Variants in KCNU1 observed in about 807,000 individuals in gnomAD.
KCNU1 encodes potassium channel subfamily U member 1.
KCNU1 carries 93 observed loss-of-function variants against 126.8 expected under a neutral mutation model. The ratio of observed to expected loss-of-function variants is 0.73; its 90% CI spans 0.62 to 0.87. The LOEUF is 0.87. Among genes scored for constraint, KCNU1 ranks in the 40% least tolerant of loss-of-function variants. The pLI, the probability that KCNU1 is intolerant of heterozygous loss-of-function variation, is 0.00. For synonymous variants in KCNU1, 523 were observed against 494.2 expected, an observed-to-expected ratio of 1.06 and a Z score of -0.77; for missense variants, 1,330 against 1,367.1, an observed-to-expected ratio of 0.97 and a Z score of 0.43.
At chr8:36,922,355 G>A in intron 23 of KCNU1, 135 bp from the exon 24 acceptor site, 1 of 838,914 alleles carries the variant, frequency 1.2e-6, no homozygotes, top group Non-Finnish European at 1.8e-6. Flanking sequence ...CTGAAAAAGG[G>A]GTTGATCCCA....
chr8:36,886,810 C>T (rs1035806226), intron 19 of KCNU1, among the ~76,000 whole-genome samples: 3 of 152,108 alleles, frequency 2.0e-5, no homozygotes, highest in Non-Finnish European at 2.9e-5. Flanking sequence ...CAATGTCCCC[C>T]TTCTGAATCT....
Position 36,814,233 on chromosome 8 carries a change from C to G in KCNU1, c.759C>G (p.Leu253=), listed in dbSNP as rs539165660. Residue 253 remains leucine (L), a synonymous_variant, in exon 8 of 27, where the codon CTC becomes CTG. Coordinates refer to ENST00000399881, the MANE Select transcript of KCNU1 (RefSeq NM_001031836.3). The part of the protein sequence containing the change: ...HLVENSGDPW[L]KGRNSQNISY... ...TGGAAAATTCTGGTGATCCCTGGCT[C>G]AAAGGTAGAAATTCACAGAATATAT... 6 of 1,613,284 alleles carry G rather than the reference C, an allele frequency of 3.7e-6. No homozygotes were observed. Among genetic ancestry groups the G allele is most frequent in the Non-Finnish European group, 5.1e-6 (6 of 1,179,500 alleles).
At chr8:36,851,410 T>TCTCC (rs1805344141) in intron 18 of KCNU1, among the ~76,000 whole-genome samples, 2 of 151,988 alleles carry the variant, frequency 1.3e-5, no homozygotes, top group African/African-American at 4.8e-5. Context: ...TCTCTCTCTC[T>TCTCC]CTGTCTCTCC....
At chr8:36,834,092 G>A (rs1804659696) in intron 11 of KCNU1, among the ~76,000 whole-genome samples, 1 of 152,034 alleles carries the variant, frequency 6.6e-6, no homozygotes, top group South Asian at 2.1e-4. Context: ...AAACATAAAG[G>A]AAAATAGTAG....
chr8:36,858,176 CAAAAAAAAAAAAAA>C (rs67265944), intron 18 of KCNU1, among the ~76,000 whole-genome samples: 1 of 73,036 alleles, frequency 1.4e-5, no homozygotes, highest in African/African-American at 5.8e-5. Flanking sequence ...TCAAGGATGG[CAAAAAAAAAAAAAA>C]AAAAAAAAAC....
intron 18 of KCNU1, among the ~76,000 whole-genome samples, chr8:36,861,558 C>T (rs1805730738): frequency 6.6e-6 from 1 of 152,064 alleles, no homozygotes; most frequent in Non-Finnish European, 1.5e-5. Flanking sequence ...GCTCTGTTGC[C>T]CTGTTGCTTT....
chr8:36,818,273 A>G (rs1391650070), intron 10 of KCNU1, among the ~76,000 whole-genome samples: 1 of 152,150 alleles, frequency 6.6e-6, no homozygotes, highest in Non-Finnish European at 1.5e-5. Flanking sequence ...GATTTCTTAT[A>G]TTTTAATTTT....
chr8:36,834,632 G>A (rs986225567), intron 11 of KCNU1, among the ~76,000 whole-genome samples, 154 bp from the exon 12 acceptor site: 1 of 152,172 alleles, frequency 6.6e-6, no homozygotes, highest in African/African-American at 2.4e-5. Flanking sequence ...CAACAATCCT[G>A]ATGTAAAGAC....
At chr8:36,835,094 T>C (rs1200060183) in intron 12 of KCNU1, among the ~76,000 whole-genome samples, 1 of 152,146 alleles carries the variant, frequency 6.6e-6, no homozygotes, top group East Asian at 1.9e-4. Context: ...CTCCATATAA[T>C]TCCCTGAAGT....
At chr8:36,904,470 C>T (rs1334803611) in intron 19 of KCNU1, among the ~76,000 whole-genome samples, 3 of 152,144 alleles carry the variant, frequency 2.0e-5, no homozygotes, top group African/African-American at 4.8e-5. Context: ...CTTCAACAGT[C>T]TATTCAAATG....
intron 9 of KCNU1, among the ~76,000 whole-genome samples, chr8:36,816,740 AT>A (rs1166279294): frequency 9.2e-5 from 14 of 152,062 alleles, no homozygotes; most frequent in Non-Finnish European, 1.6e-4. Context: ...ACGTAAGAAA[AT>A]TTTTCATGAC....
At chr8:36,787,668 T>C (rs983962896) in intron 2 of KCNU1, among the ~76,000 whole-genome samples, 7 of 146,594 alleles carry the variant, frequency 4.8e-5, no homozygotes, top group Admixed American at 4.1e-4. Flanking sequence ...ATAATAATTT[T>C]ATAATATTAA....
intron 19 of KCNU1, among the ~76,000 whole-genome samples, chr8:36,868,988 A>G (rs1806006790): frequency 6.6e-6 from 1 of 152,140 alleles, no homozygotes; most frequent in Non-Finnish European, 1.5e-5. Flanking sequence ...GAGTTACGAC[A>G]GTTTTGCCCA....
intron 19 of KCNU1, among the ~76,000 whole-genome samples, chr8:36,899,276 A>G (rs1221516267): frequency 7.1e-6 from 1 of 141,444 alleles, no homozygotes; most frequent in African/African-American, 2.6e-5. Context: ...CTAACTTCTA[A>G]GCTAGAAGAT....
At chr8:36,831,643 T>C (rs375454397) in intron 10 of KCNU1, among the ~76,000 whole-genome samples, 2 of 148,412 alleles carry the variant, frequency 1.3e-5, no homozygotes, top group African/African-American at 2.5e-5. Context: ...GAGTTCATTG[T>C]AGATTCTGGA....
intron 2 of KCNU1, among the ~76,000 whole-genome samples, chr8:36,801,000 T>C (rs909213288): frequency 2.0e-5 from 3 of 152,186 alleles, no homozygotes; most frequent in African/African-American, 7.2e-5. Context: ...GGGGTGTTTC[T>C]GGACCTTAAA....
chr8:36,879,167 C>T (rs1806375034), intron 19 of KCNU1, among the ~76,000 whole-genome samples: 1 of 132,862 alleles, frequency 7.5e-6, no homozygotes, highest in Admixed American at 8.4e-5. Flanking sequence ...CAATCAAGTA[C>T]TTGTGCAATT....
chr8:36,859,032 G>GC (rs1449059139), intron 18 of KCNU1, among the ~76,000 whole-genome samples: 2 of 152,160 alleles, frequency 1.3e-5, no homozygotes, highest in African/African-American at 2.4e-5. Context: ...GCAACAAGCA[G>GC]CAAATGATCA....
intron 18 of KCNU1, 39 bp from the exon 19 acceptor site, chr8:36,864,365 G>A (rs1320380300): frequency 8.3e-7 from 1 of 1,198,206 alleles, no homozygotes; most frequent in Non-Finnish European, 1.2e-6. Flanking sequence ...CCCTTGTGAA[G>A]AGATGTGCCA....
Sources: allele counts gnomAD v4.1 joint callset (sites outside exome capture counted in the v4.1 genomes callset), GRCh38; gene constraint gnomAD v4.1.1; transcripts MANE v1.5; gene names NCBI Gene and HGNC (gene_info 2026-07-23, HGNC 2026-07-21).